CFAP61: variants seen among roughly 807,000 people sequenced by gnomAD.
CFAP61 encodes the protein cilia and flagella associated protein 61.
In CFAP61, 107 loss-of-function variants were observed where a neutral mutation model predicts 135.6. The observed-to-expected ratio is 0.79, with a 90% CI of 0.67 to 0.93. The LOEUF (loss-of-function observed/expected upper bound fraction) is 0.93, where lower values mean the gene tolerates loss of function less well. Among genes scored for constraint, CFAP61 ranks in the 40% least tolerant of loss-of-function variants. CFAP61 has a pLI of 0.00. For synonymous variants in CFAP61, 575 were observed against 578.5 expected (o/e 0.99, Z 0.09); for missense variants, 1,507 against 1,556.2 (o/e 0.97, Z 0.53).
Position 20,070,972 on chromosome 20 carries a change from T to C in CFAP61, c.262T>C (p.Phe88Leu). 19 of 1,614,170 alleles carry C rather than the reference T, an allele frequency of 1.2e-5. No homozygotes were observed. The highest frequency in any genetic ancestry group is 1.5e-5 in the Non-Finnish European group (18 of 1,180,022). ...VAKQDDWVSV[F>L]RELDSDIPCT... ...CAAGCAGGATGACTGGGTGTCAGTG[T>C]TCCGGGAGCTCGACAGTGACATCCC... The change falls in exon 3 of 27, where the codon TTC (phenylalanine) becomes CTC (leucine). Residue 88 changes from phenylalanine (F) to leucine (L), a missense_variant. Transcript: ENST00000245957.
Position 20,198,222 on chromosome 20 carries a change from G to A in CFAP61, c.1797+1446G>A, listed in dbSNP as rs900494976. 3.9e-5 allele frequency among the ~76,000 whole-genome samples: 6 copies of A among 152,140 alleles called. No individual in the cohort carries two copies. In the East Asian group the frequency reaches 1.2e-3, roughly 29 times the overall value. ...AGATGGGAAGGTAACAGTTCTGCTG[G>A]AAAATCCTGGTCCTGCACAGTTTTC... On this transcript the variant is annotated intron_variant, in intron 16 of 26. Transcript: ENST00000245957.
At chr20:20,211,631 G>T (rs2047647654) in intron 17 of CFAP61, among the ~76,000 whole-genome samples, 1 of 152,156 alleles carries the variant, frequency 6.6e-6, no homozygotes, top group Non-Finnish European at 1.5e-5. Flanking sequence ...GAGCCATTTG[G>T]TCCGTCGAAA....
At chr20:20,275,973 G>A (rs1264653098) in intron 21 of CFAP61, among the ~76,000 whole-genome samples, 1 of 152,322 alleles carries the variant, frequency 6.6e-6, no homozygotes, top group African/African-American at 2.4e-5. Flanking sequence ...GCGTCCTAGC[G>A]AGGGCAGGAA....
At chr20:20,075,854 G>A (rs1165934330) in intron 6 of CFAP61, among the ~76,000 whole-genome samples, 3 of 151,836 alleles carry the variant, frequency 2.0e-5, no homozygotes, top group African/African-American at 7.3e-5. Context: ...GACTCCTTAG[G>A]GGTTTCTGAA....
chr20:20,233,423 G>C (rs899657171), intron 18 of CFAP61, among the ~76,000 whole-genome samples: 19 of 152,170 alleles, frequency 1.2e-4, no homozygotes, highest in Admixed American at 2.0e-4. Flanking sequence ...ATGGGAGCGA[G>C]GCCCAGGGCA....
chr20:20,165,054 G>A (rs1164289447), intron 11 of CFAP61, among the ~76,000 whole-genome samples: 1 of 152,180 alleles, frequency 6.6e-6, no homozygotes, highest in Non-Finnish European at 1.5e-5. Flanking sequence ...AATTATGGGA[G>A]CTACAATTCA....
chr20:20,349,130 A>G (rs537359959), intron 26 of CFAP61, among the ~76,000 whole-genome samples: 34 of 152,374 alleles, frequency 2.2e-4, no homozygotes, highest in African/African-American at 7.7e-4. Flanking sequence ...AAATCAGCAA[A>G]GTTGCAGAAT....
chr20:20,334,932 C>T (rs146976143), intron 25 of CFAP61, among the ~76,000 whole-genome samples: 1 of 152,246 alleles, frequency 6.6e-6, no homozygotes, highest in Non-Finnish European at 1.5e-5. Context: ...CCAAGCAAAC[C>T]CAGGAATAAC....
At chr20:20,135,120 G>A (rs2050821839) in intron 8 of CFAP61, among the ~76,000 whole-genome samples, 1 of 152,232 alleles carries the variant, frequency 6.6e-6, no homozygotes, top group South Asian at 2.1e-4. Context: ...AAAAGGAAAA[G>A]GCAATGTGAT....
chr20:20,080,743 C>G (rs2046374054), intron 6 of CFAP61, among the ~76,000 whole-genome samples: 1 of 152,170 alleles, frequency 6.6e-6, no homozygotes, highest in Non-Finnish European at 1.5e-5. Flanking sequence ...GTGGTTCACA[C>G]CTGTAATCCC....
intron 20 of CFAP61, chr20:20,259,763 T>G (rs994243981): frequency 1.3e-5 from 2 of 152,040 alleles, no homozygotes; most frequent in African/African-American, 4.8e-5. Flanking sequence ...GAAATGCAGT[T>G]TTTCAGCCGA....
rs558352228 is a variant in CFAP61, at chr20:20,124,699, T to C, written c.860-18158T>C. Among the ~76,000 whole-genome samples, 7 of 151,888 alleles carry C rather than the reference T, an allele frequency of 4.6e-5. No homozygotes were observed. In the South Asian group the frequency reaches 1.2e-3, roughly 27 times the overall value. On this transcript the variant is annotated intron_variant, in intron 8 of 26. Transcript: ENST00000245957. The stretch of plus-strand genomic sequence containing the variant: ...CATCAAGGATATCAGTCTGTAGTTT[T>C]CTTTTTTGGTTATGTCCTTTCCTGG...
At position 20,153,196 on chromosome 20, in the gene CFAP61, C is replaced by T. The variant is rs147323033; in HGVS notation, c.952-6174C>T. Among the ~76,000 whole-genome samples the T allele has an allele frequency of 3.0e-3, 454 of 152,180 alleles. 3 individuals carry two copies. The highest frequency in any genetic ancestry group is 7.5e-3 in the African/African-American group (311 of 41,550). On this transcript the variant is annotated intron_variant, in intron 9 of 26. Transcript: ENST00000245957. ...GACTGATAATAGTGACACAATTTAT[C>T]AAAACCTCTGGGACACAGCAAAAGT...
chr20:20,248,056 TA>T (rs1255776089), intron 19 of CFAP61, among the ~76,000 whole-genome samples: 1 of 152,230 alleles, frequency 6.6e-6, no homozygotes, highest in East Asian at 1.9e-4. Context: ...TTTGCCTTTT[TA>T]TTCATTGATT....
At chr20:20,068,144 G>A (rs1334891700) in intron 2 of CFAP61, among the ~76,000 whole-genome samples, 1 of 152,170 alleles carries the variant, frequency 6.6e-6, no homozygotes, top group Non-Finnish European at 1.5e-5. Context: ...TGGATTCCAG[G>A]AACACATTGT....
At chr20:20,271,000 T>C (rs1269253457) in intron 21 of CFAP61, among the ~76,000 whole-genome samples, 1 of 152,210 alleles carries the variant, frequency 6.6e-6, no homozygotes, top group Non-Finnish European at 1.5e-5. Flanking sequence ...ATGTGATCGC[T>C]TTATGTGCAT....
intron 17 of CFAP61, among the ~76,000 whole-genome samples, chr20:20,214,695 C>T (rs879801674): frequency 7.2e-5 from 11 of 152,210 alleles, no homozygotes; most frequent in Admixed American, 5.2e-4. Context: ...CCCCCTGGAC[C>T]GCTGTAAACA....
At chr20:20,130,267 T>C (rs560299667) in intron 8 of CFAP61, among the ~76,000 whole-genome samples, 1 of 151,516 alleles carries the variant, frequency 6.6e-6, no homozygotes, top group African/African-American at 2.4e-5. Flanking sequence ...TCAGCCTGGG[T>C]GACAGGGCGA....
chr20:20,139,229 G>C (rs1007078871), intron 8 of CFAP61, among the ~76,000 whole-genome samples: 1 of 152,160 alleles, frequency 6.6e-6, no homozygotes, highest in African/African-American at 2.4e-5. Flanking sequence ...CCTAAAGTCT[G>C]ACCCATTCAA....
Sources: gnomAD v4.1 joint callset for allele counts (sites outside exome capture counted in the v4.1 genomes callset) on GRCh38, gnomAD v4.1.1 for gene constraint, MANE v1.5 for transcripts, NCBI Gene and HGNC (gene_info 2026-07-23, HGNC 2026-07-21) for gene names.